The following FGF12 variants were observed in gnomAD, a reference collection of about 807,000 sequenced individuals.
The protein encoded by FGF12 is fibroblast growth factor 12.
A neutral mutation model predicts 23.6 loss-of-function variants in FGF12; 14 were observed. The ratio of observed to expected loss-of-function variants is 0.59; its 90% CI spans 0.39 to 0.93. The LOEUF is 0.93. Among genes scored for constraint, FGF12 ranks in the 40% least tolerant of loss-of-function variants. The pLI is 0.00. For synonymous variants in FGF12, 62 were observed against 77.3 expected (o/e 0.80, Z 1.04); for missense variants, 175 against 217.8 (o/e 0.80, Z 1.24).
intron 2 of FGF12, among the ~76,000 whole-genome samples, chr3:192,618,456 G>T (rs1460538241): frequency 6.6e-6 from 1 of 151,910 alleles, no homozygotes; most frequent in South Asian, 2.1e-4. Flanking sequence ...ATCACTTCTA[G>T]GTGAAAAGAA....
chr3:192,405,197 T>C (rs1720911934), intron 2 of FGF12, among the ~76,000 whole-genome samples: 1 of 151,156 alleles, frequency 6.6e-6, no homozygotes, highest in African/African-American at 2.5e-5. Flanking sequence ...CTGTGTGATG[T>C]GAGGCCATAC....
chr3:192,492,648 C>T (rs542492119), intron 2 of FGF12, among the ~76,000 whole-genome samples: 4 of 152,248 alleles, frequency 2.6e-5, no homozygotes, highest in South Asian at 2.1e-4. Flanking sequence ...TGTGATTTTA[C>T]AGACACCATT....
chr3:192,477,373 T>C (rs1478907141), intron 2 of FGF12, among the ~76,000 whole-genome samples: 1 of 152,086 alleles, frequency 6.6e-6, no homozygotes, highest in Non-Finnish European at 1.5e-5. Context: ...GTGGAGGGGA[T>C]CTGGAGGCCC....
chr3:192,640,112 T>A (rs6803287), intron 2 of FGF12, among the ~76,000 whole-genome samples: 4 of 151,878 alleles, frequency 2.6e-5, no homozygotes, highest in African/African-American at 7.3e-5. Flanking sequence ...TCATAGGTTG[T>A]GAGGTAGCAG....
At chr3:192,338,389 CAAAT>C (rs1382480082) in intron 3 of FGF12, among the ~76,000 whole-genome samples, 12 of 152,104 alleles carry the variant, frequency 7.9e-5, no homozygotes. Flanking sequence ...TGCCTTCTTG[CAAAT>C]AAATAGATTA....
intron 2 of FGF12, among the ~76,000 whole-genome samples, chr3:192,438,877 T>A (rs1722108646): frequency 6.6e-6 from 1 of 152,166 alleles, no homozygotes; most frequent in Admixed American, 6.5e-5. Context: ...ACAGAACAGG[T>A]TGGCTTGAGA....
At chr3:192,287,588 T>C (rs1219341459) in intron 4 of FGF12, among the ~76,000 whole-genome samples, 1 of 152,006 alleles carries the variant, frequency 6.6e-6, no homozygotes, top group Non-Finnish European at 1.5e-5. Flanking sequence ...GTAAAACCAC[T>C]AACCCCAAAG....
At chr3:192,482,571 T>C (rs574622679) in intron 2 of FGF12, among the ~76,000 whole-genome samples, 5 of 152,268 alleles carry the variant, frequency 3.3e-5, no homozygotes, top group African/African-American at 1.2e-4. Context: ...GAGGTGGATG[T>C]TGCAATGAGC....
intron 2 of FGF12, among the ~76,000 whole-genome samples, chr3:192,617,449 C>T (rs1379699976): frequency 6.6e-6 from 1 of 152,038 alleles, no homozygotes; most frequent in Non-Finnish European, 1.5e-5. Context: ...AGAAGTCATT[C>T]TCCCACTTTC....
intron 2 of FGF12, among the ~76,000 whole-genome samples, chr3:192,570,198 G>C (rs907166374): frequency 6.6e-6 from 1 of 152,170 alleles, no homozygotes; most frequent in Non-Finnish European, 1.5e-5. Context: ...CAAGCATCAG[G>C]CTAGCTGTGT....
At chr3:192,340,897 G>A (rs998380794) in intron 3 of FGF12, among the ~76,000 whole-genome samples, 7 of 152,124 alleles carry the variant, frequency 4.6e-5, no homozygotes, top group African/African-American at 7.2e-5. Flanking sequence ...ATTGGCCTTA[G>A]CAATGATTTA....
intron 2 of FGF12, among the ~76,000 whole-genome samples, chr3:192,537,544 A>G (rs1725253338): frequency 6.6e-6 from 1 of 152,186 alleles, no homozygotes; most frequent in Admixed American, 6.5e-5. Flanking sequence ...CATTTCTCTG[A>G]TAATCAGTGA....
intron 4 of FGF12, among the ~76,000 whole-genome samples, chr3:192,245,415 G>T (rs1323481479): frequency 2.6e-5 from 4 of 152,066 alleles, no homozygotes; most frequent in African/African-American, 9.7e-5. Context: ...CCCATGCCCG[G>T]CCAAGGACTT....
At chr3:192,238,101 C>G (rs1719394148) in intron 4 of FGF12, 1 of 152,388 alleles carries the variant, frequency 6.6e-6, no homozygotes, top group Admixed American at 6.5e-5. Flanking sequence ...CCAAAGCTCA[C>G]CTCAGCACTC....
intron 4 of FGF12, among the ~76,000 whole-genome samples, chr3:192,233,323 T>C (rs748493229): frequency 3.3e-5 from 5 of 152,206 alleles, no homozygotes; most frequent in Admixed American, 1.3e-4. Context: ...ACATTTTTCA[T>C]ATGCTTGTTG....
At chr3:192,149,923 TC>T (rs1472742948) in intron 5 of FGF12, among the ~76,000 whole-genome samples, 1 of 112,072 alleles carries the variant, frequency 8.9e-6, no homozygotes, top group East Asian at 2.3e-4. Context: ...TAGTTTACAG[TC>T]CCACCAACAG....
intron 2 of FGF12, among the ~76,000 whole-genome samples, chr3:192,609,520 T>C (rs1344368968): frequency 2.0e-5 from 3 of 152,112 alleles, no homozygotes; most frequent in Non-Finnish European, 2.9e-5. Context: ...ATGTCTGTTC[T>C]TAAGATGCCA....
At chr3:192,312,173 C>G (rs1384187525) in intron 4 of FGF12, among the ~76,000 whole-genome samples, 3 of 152,054 alleles carry the variant, frequency 2.0e-5, no homozygotes, top group African/African-American at 7.2e-5. Context: ...TGATGAAATT[C>G]AACATATCGA....
At chr3:192,215,909 CCTT>C (rs1422490762) in intron 4 of FGF12, among the ~76,000 whole-genome samples, 2 of 152,196 alleles carry the variant, frequency 1.3e-5, no homozygotes, top group Non-Finnish European at 2.9e-5. Context: ...TAAGACTCCT[CCTT>C]CTTCACTTTG....
Sources: allele counts gnomAD v4.1 joint callset (sites outside exome capture counted in the v4.1 genomes callset), GRCh38; gene constraint gnomAD v4.1.1; transcripts MANE v1.5; gene names NCBI Gene and HGNC (gene_info 2026-07-23, HGNC 2026-07-21).